The following SAMD3 variants were observed in gnomAD, a reference collection of about 807,000 sequenced individuals.
SAMD3 encodes sterile alpha motif domain-containing protein 3.
Under a neutral mutation model 58.5 loss-of-function variants are expected in SAMD3, and 63 were observed. That is an observed-to-expected ratio of 1.08 (90% confidence interval 0.88 to 1.33). The LOEUF (loss-of-function observed/expected upper bound fraction) is 1.33, where lower values mean the gene tolerates loss of function less well. Among genes scored for constraint, SAMD3 ranks in the 40% most tolerant of loss-of-function variants. The probability of loss-of-function intolerance (pLI) is 0.00; values close to 1 mark genes in which losing one functional copy is unlikely to be tolerated. For missense variants in SAMD3, 604 were observed against 608.4 expected, an observed-to-expected ratio of 0.99 and a Z score of 0.08; for synonymous variants, 220 against 210.3, an observed-to-expected ratio of 1.05 and a Z score of -0.40.
chr6:130,360,935 G>A (rs369889598), intron 1 of SAMD3, among the ~76,000 whole-genome samples: 55 of 152,180 alleles, frequency 3.6e-4, no homozygotes, highest in Middle Eastern at 3.4e-3. Context: ...GCTCTGTCCC[G>A]CCCGGCTCAC....
chr6:130,331,667 T>C (rs1056895541), intron 1 of SAMD3, among the ~76,000 whole-genome samples: 7 of 152,156 alleles, frequency 4.6e-5, no homozygotes, highest in Non-Finnish European at 7.4e-5. Context: ...TGCAGTGAGC[T>C]AAGATAGCAC....
intron 5 of SAMD3, among the ~76,000 whole-genome samples, chr6:130,185,869 G>A (rs1035447345): frequency 6.6e-6 from 1 of 152,052 alleles, no homozygotes; most frequent in African/African-American, 2.4e-5. Context: ...AGGCTCAAGT[G>A]ATCCTCTTGC....
At chr6:130,333,870 T>G (rs2115015593) in intron 1 of SAMD3, among the ~76,000 whole-genome samples, 1 of 152,310 alleles carries the variant, frequency 6.6e-6, no homozygotes, top group South Asian at 2.1e-4. Context: ...GAATCTTTTC[T>G]AAGGCTGCAG....
chr6:130,334,905 C>T (rs1777055262), intron 1 of SAMD3, among the ~76,000 whole-genome samples: 2 of 152,158 alleles, frequency 1.3e-5, no homozygotes, highest in Admixed American at 1.3e-4. Flanking sequence ...AAATCTGTTA[C>T]CAGCAGACAG....
At chr6:130,226,675 T>C (rs1330874248), upstream of SAMD3, among the ~76,000 whole-genome samples, 1 of 152,090 alleles carries the variant, frequency 6.6e-6, no homozygotes, top group Non-Finnish European at 1.5e-5. Flanking sequence ...AAAAATAAGC[T>C]GGGCATGGTG....
At chr6:130,316,743 C>T (rs2114995459) in intron 1 of SAMD3, among the ~76,000 whole-genome samples, 1 of 152,198 alleles carries the variant, frequency 6.6e-6, no homozygotes, top group Admixed American at 6.5e-5. Flanking sequence ...ATACACTATA[C>T]CCAGGAGGGT....
At chr6:130,178,422 T>C (rs1230507326) in intron 7 of SAMD3, among the ~76,000 whole-genome samples, 1 of 151,936 alleles carries the variant, frequency 6.6e-6, no homozygotes, top group Non-Finnish European at 1.5e-5. Context: ...GGCCTGTGTT[T>C]CCCTCGAGCC....
chr6:130,226,983 C>T (rs868574094), upstream of SAMD3, among the ~76,000 whole-genome samples: 13 of 152,010 alleles, frequency 8.6e-5, no homozygotes, highest in Middle Eastern at 3.4e-3. Context: ...TAAAGTTTAC[C>T]GTCTTAACCC....
At chr6:130,355,812 A>C (rs1298497341) in intron 1 of SAMD3, among the ~76,000 whole-genome samples, 1 of 152,210 alleles carries the variant, frequency 6.6e-6, no homozygotes, top group Non-Finnish European at 1.5e-5. Context: ...AAGAAGAAGC[A>C]GGAGTACTTC....
intron 7 of SAMD3, among the ~76,000 whole-genome samples, chr6:130,180,584 G>A (rs1792217220): frequency 6.6e-6 from 1 of 152,208 alleles, no homozygotes; most frequent in Non-Finnish European, 1.5e-5. Flanking sequence ...CTCTCAGCCA[G>A]TGACGTGATG....
At chr6:130,152,031 G>C (rs1239683017) in intron 9 of SAMD3, among the ~76,000 whole-genome samples, 84 of 152,098 alleles carry the variant, frequency 5.5e-4, no homozygotes, top group Non-Finnish European at 1.1e-3. Context: ...ATGCCTTGTT[G>C]AAAGAAAGTT....
At chr6:130,291,087 C>A (rs1245664845) in intron 2 of SAMD3, among the ~76,000 whole-genome samples, 1 of 151,314 alleles carries the variant, frequency 6.6e-6, no homozygotes, top group Non-Finnish European at 1.5e-5. Context: ...TGACAACTGA[C>A]TTTATTTATT....
At position 130,195,177 on chromosome 6, in the gene SAMD3, C is replaced by T. The variant is rs546916467; in HGVS notation, c.384-10554G>A. On this transcript the variant is annotated intron_variant, in intron 5 of 11. Transcript: ENST00000439090. Reference sequence around the variant, plus strand: ...AGCCGCATCTCATTGCTGCCCTTCTCCCCAACCCAAAGCCTCCTTCATGTC... The same window carrying T: ...AGCCGCATCTCATTGCTGCCCTTCTTCCCAACCCAAAGCCTCCTTCATGTC... Among the ~76,000 whole-genome samples, 12 of 152,228 alleles carry T rather than the reference C, an allele frequency of 7.9e-5. No individual in the cohort carries two copies. The East Asian group carries it at 1.9e-3, about 25-fold the overall frequency.
At chr6:130,239,139 A>C (rs1278152709) in intron 2 of SAMD3, among the ~76,000 whole-genome samples, 1 of 152,112 alleles carries the variant, frequency 6.6e-6, no homozygotes, top group Non-Finnish European at 1.5e-5. Context: ...TCATCAAACA[A>C]CCACCAGAGG....
chr6:130,316,983 G>A (rs1190550945), intron 1 of SAMD3, among the ~76,000 whole-genome samples: 2 of 152,176 alleles, frequency 1.3e-5, no homozygotes, highest in African/African-American at 4.8e-5. Context: ...GGTTTGTACA[G>A]CCAGGAGGTG....
intron 2 of SAMD3, among the ~76,000 whole-genome samples, chr6:130,248,168 T>C (rs559013432): frequency 7.2e-6 from 1 of 139,766 alleles, no homozygotes; most frequent in Non-Finnish European, 1.5e-5. Context: ...ATTTCATTTT[T>C]AAGTGTTTTG....
In SAMD3 at chr6:130,335,766, A is replaced by G. The variant is rs530652207; in HGVS notation, c.-303-22673T>C. The stretch of plus-strand genomic sequence containing the variant: ...ATAGCAAAGACTTGGAACCAACCCA[A>G]ATGTCCCACAATGATAGACTGGATT... On this transcript the variant is annotated intron_variant, in intron 1 of 13. Transcript: ENST00000368134. 7.1e-3 allele frequency among the ~76,000 whole-genome samples: 1,080 copies of G among 152,236 alleles called. 10 individuals carry two copies. The highest frequency in any genetic ancestry group is 0.017 in the Middle Eastern group (5 of 294).
chr6:130,303,204 G>A (rs934724618), intron 2 of SAMD3, among the ~76,000 whole-genome samples: 1 of 152,090 alleles, frequency 6.6e-6, no homozygotes, highest in Non-Finnish European at 1.5e-5. Context: ...CCTGTAAGTA[G>A]GGGTCCTCTT....
At chr6:130,335,469 A>G (rs1401428768) in intron 1 of SAMD3, among the ~76,000 whole-genome samples, 1 of 152,240 alleles carries the variant, frequency 6.6e-6, no homozygotes, top group Non-Finnish European at 1.5e-5. Context: ...GATACAAACA[A>G]GTCAGATACA....
Sources: allele counts gnomAD v4.1 joint callset (sites outside exome capture counted in the v4.1 genomes callset), GRCh38; gene constraint gnomAD v4.1.1; transcripts MANE v1.5; gene names NCBI Gene and HGNC (gene_info 2026-07-23, HGNC 2026-07-21).